The following TMEM178A variants were observed in gnomAD, a reference collection of about 807,000 sequenced individuals.
The protein encoded by TMEM178A is transmembrane protein 178A, also known as transmembrane protein 178.
Under a neutral mutation model 29.1 loss-of-function variants are expected in TMEM178A, and 12 were observed. That is an observed-to-expected ratio of 0.41 (90% confidence interval 0.26 to 0.67). The LOEUF (loss-of-function observed/expected upper bound fraction) is 0.67, where lower values mean the gene tolerates loss of function less well. Among genes scored for constraint, TMEM178A ranks in the 30% least tolerant of loss-of-function variants. TMEM178A has a pLI of 0.29. For missense variants in TMEM178A, 366 were observed against 419.1 expected (o/e 0.87, Z 1.11); for synonymous variants, 210 against 187.2 (o/e 1.12, Z -0.99).
Position 39,717,607 on chromosome 2 carries a change from G to C in TMEM178A, c.*356G>C, listed in dbSNP as rs1672601907. The C allele has an allele frequency of 5.5e-6, 1 of 182,020 alleles. No homozygotes were observed. The highest frequency in any genetic ancestry group is 1.5e-4 in the South Asian group (1 of 6,664). 11.3% of individuals were successfully genotyped at this position (182,020 alleles called of 1,614,324 possible). On this transcript the variant is annotated 3_prime_UTR_variant, in exon 4 of 4. Transcript: ENST00000281961. ...CCGAGAGTCATTTCTACTTGCAAAA[G>C]GATTCGTAACAAAGCGAGTATAATT...
intron 1 of TMEM178A, among the ~76,000 whole-genome samples, chr2:39,667,852 A>G (rs1558439202): frequency 1.3e-5 from 2 of 152,238 alleles, no homozygotes; most frequent in Non-Finnish European, 1.5e-5. Context: ...AAGATGCTGC[A>G]TAATTAATTC....
chr2:39,688,260 C>A (rs1171333676), intron 1 of TMEM178A, among the ~76,000 whole-genome samples: 1 of 152,236 alleles, frequency 6.6e-6, no homozygotes, highest in Non-Finnish European at 1.5e-5. Context: ...GCAGGATTAT[C>A]ATTTTCCTAG....
intron 1 of TMEM178A, among the ~76,000 whole-genome samples, chr2:39,698,216 A>G (rs1186925877): frequency 6.6e-6 from 1 of 152,252 alleles, no homozygotes; most frequent in African/African-American, 2.4e-5. Context: ...TATTTAATAT[A>G]TAGAGTTTGG....
intron 1 of TMEM178A, among the ~76,000 whole-genome samples, chr2:39,678,418 G>C (rs1400751873): frequency 6.6e-6 from 1 of 152,178 alleles, no homozygotes; most frequent in Non-Finnish European, 1.5e-5. Flanking sequence ...ATGAAATACT[G>C]ACACACGTTA....
At chr2:39,719,922 G>A (rs181930477), downstream of TMEM178A, among the ~76,000 whole-genome samples, 3 of 152,114 alleles carry the variant, frequency 2.0e-5, no homozygotes, top group African/African-American at 7.2e-5. Context: ...TTTACTGAAT[G>A]GCTATTATGT....
chr2:39,721,567 G>A (rs1233988837), downstream of TMEM178A, among the ~76,000 whole-genome samples: 1 of 152,174 alleles, frequency 6.6e-6, no homozygotes, highest in African/African-American at 2.4e-5. Context: ...AAGAACAAGG[G>A]AAGAGTGGTG....
intron 1 of TMEM178A, among the ~76,000 whole-genome samples, chr2:39,694,805 A>T (rs1440916771): frequency 6.6e-6 from 1 of 152,214 alleles, no homozygotes; most frequent in Non-Finnish European, 1.5e-5. Flanking sequence ...CCATTAGAAC[A>T]TTTAAAATTC....
the TMEM178A span, among the ~76,000 whole-genome samples, chr2:39,730,345 AG>A: frequency 6.6e-6 from 1 of 152,266 alleles, no homozygotes; most frequent in Admixed American, 6.5e-5. Flanking sequence ...ACTACATTCA[AG>A]CTCAGATTCC....
chr2:39,703,362 TGTGTGAGGTTG>T (rs1206754821), intron 1 of TMEM178A, among the ~76,000 whole-genome samples: 2 of 152,012 alleles, frequency 1.3e-5, no homozygotes, highest in Non-Finnish European at 1.5e-5. Context: ...AAAACATGGG[TGTGTGAGGTTG>T]GTGTGAGGAG....
At chr2:39,692,595 G>A (rs1279187220) in intron 1 of TMEM178A, among the ~76,000 whole-genome samples, 1 of 152,020 alleles carries the variant, frequency 6.6e-6, no homozygotes, top group African/African-American at 2.4e-5. Flanking sequence ...CAAGTACTAT[G>A]ATCCCTAGGT....
At chr2:39,679,743 A>G (rs1670789373) in intron 1 of TMEM178A, among the ~76,000 whole-genome samples, 1 of 152,070 alleles carries the variant, frequency 6.6e-6, no homozygotes, top group South Asian at 2.1e-4. Context: ...GTTTTGGTTT[A>G]TTAAATATTC....
At chr2:39,678,169 T>C (rs1243827160) in intron 1 of TMEM178A, among the ~76,000 whole-genome samples, 2 of 152,176 alleles carry the variant, frequency 1.3e-5, no homozygotes, top group African/African-American at 4.8e-5. Context: ...AAATATCGGA[T>C]AGATTCCTTA....
chr2:39,692,951 T>A (rs1223958513), intron 1 of TMEM178A, among the ~76,000 whole-genome samples: 1 of 152,196 alleles, frequency 6.6e-6, no homozygotes, highest in Non-Finnish European at 1.5e-5. Context: ...GCAGGCTTAA[T>A]TAACCTTACA....
chr2:39,717,489 T>TG lies in TMEM178A; in HGVS notation c.*241dup, dbSNP rs1672597847. 2.4e-6 allele frequency: 1 copy of TG among 422,626 alleles called. No individual in the cohort carries two copies. The highest frequency in any genetic ancestry group is 4.0e-5 in the Admixed American group (1 of 24,826). The allele number at this position is 422,626 out of a possible 1,614,324, so 26.2% of individuals were successfully genotyped here. ...ACTGTGAGAATAGGGAGCAGTGCCA[T>TG]GGGACATTTCTAGGTGTAGAGAAAG... On this transcript the variant is annotated 3_prime_UTR_variant, in exon 4 of 4. Transcript: ENST00000281961.
rs146308216 is a variant in TMEM178A at position 39,712,343 on chromosome 2, C to T, written c.653-4667C>T. Among the ~76,000 whole-genome samples the T allele has an allele frequency of 2.8e-4, 42 of 152,144 alleles. No individual in the cohort carries two copies. The East Asian group carries it at 7.0e-3, about 25-fold the overall frequency. On this transcript the variant is annotated intron_variant, in intron 3 of 3. Transcript: ENST00000281961. ...TCAGTCTTTTAAGCACATTAAAAAA[C>T]GGTGGTCAAAAGAGTGGGCCCCGTT...
chr2:39,684,481 G>A (rs769762010), intron 1 of TMEM178A, among the ~76,000 whole-genome samples: 5 of 152,016 alleles, frequency 3.3e-5, no homozygotes, highest in African/African-American at 7.3e-5. Context: ...GCTTTGTATC[G>A]AGCATTAAGC....
chr2:39,721,549 A>G (rs1261058548), downstream of TMEM178A, among the ~76,000 whole-genome samples: 1 of 152,214 alleles, frequency 6.6e-6, no homozygotes, highest in Non-Finnish European at 1.5e-5. Context: ...CCATGGGTCT[A>G]GAGCAGAAAG....
chr2:39,685,062 C>T (rs964888765), intron 1 of TMEM178A, among the ~76,000 whole-genome samples: 5 of 152,138 alleles, frequency 3.3e-5, no homozygotes, highest in Admixed American at 2.0e-4. Flanking sequence ...ATGTTTTTTG[C>T]TTGTTTTAAA....
chr2:39,677,858 G>A (rs746017230), intron 1 of TMEM178A, among the ~76,000 whole-genome samples: 7 of 152,118 alleles, frequency 4.6e-5, no homozygotes, highest in Non-Finnish European at 8.8e-5. Context: ...TGAGCTAGCA[G>A]GATTTTAGCA....
Sources: gnomAD v4.1 joint callset for allele counts (sites outside exome capture counted in the v4.1 genomes callset) on GRCh38, gnomAD v4.1.1 for gene constraint, MANE v1.5 for transcripts, NCBI Gene and HGNC (gene_info 2026-07-23, HGNC 2026-07-21) for gene names.